The following SGMS2 variants were observed in gnomAD, a reference collection of about 807,000 sequenced individuals.
SGMS2 encodes the protein phosphatidylcholine:ceramide cholinephosphotransferase 2.
In SGMS2, 21 loss-of-function variants were observed where a neutral mutation model predicts 43.8. The ratio of observed to expected loss-of-function variants is 0.48; its 90% CI spans 0.34 to 0.69. The LOEUF is 0.69. Ranked by LOEUF, SGMS2 falls within the 30% of genes least tolerant of loss-of-function variation. The pLI, the probability that SGMS2 is intolerant of heterozygous loss-of-function variation, is 0.01. For synonymous variants in SGMS2, 167 were observed against 160.6 expected, an observed-to-expected ratio of 1.04 and a Z score of -0.30; for missense variants, 384 against 443.2, an observed-to-expected ratio of 0.87 and a Z score of 1.20.
At chr4:107,910,236 T>C (rs1204665275) in intron 6 of SGMS2, 114 bp from the exon 7 acceptor site, 5 of 856,368 alleles carry the variant, frequency 5.8e-6, no homozygotes, top group Non-Finnish European at 9.2e-6. Flanking sequence ...ATTACTGCCA[T>C]GTGATTCTGA....
At chr4:107,861,860 T>C (rs1460967764) in intron 2 of SGMS2, among the ~76,000 whole-genome samples, 1 of 152,246 alleles carries the variant, frequency 6.6e-6, no homozygotes, top group East Asian at 1.9e-4. Context: ...TGAATATTAT[T>C]GGATGAAAGG....
intron 2 of SGMS2, among the ~76,000 whole-genome samples, chr4:107,882,428 AC>A (rs1729432407): frequency 6.6e-6 from 1 of 151,650 alleles, no homozygotes; most frequent in Non-Finnish European, 1.5e-5. Context: ...TCTATTTGGA[AC>A]TTTTGCTTAT....
At chr4:107,876,464 CAG>C (rs1235333438) in intron 2 of SGMS2, among the ~76,000 whole-genome samples, 1 of 152,190 alleles carries the variant, frequency 6.6e-6, no homozygotes, top group Non-Finnish European at 1.5e-5. Context: ...AATCTCAAAA[CAG>C]AGAGGTAATA....
intron 3 of SGMS2, among the ~76,000 whole-genome samples, chr4:107,898,782 A>G (rs1169258965): frequency 6.6e-6 from 1 of 152,232 alleles, no homozygotes; most frequent in Non-Finnish European, 1.5e-5. Flanking sequence ...AGCCTGCCTC[A>G]GGCTGAGGAC....
At chr4:107,831,498 C>T (rs899333198) in intron 1 of SGMS2, among the ~76,000 whole-genome samples, 6 of 152,134 alleles carry the variant, frequency 3.9e-5, no homozygotes, top group Admixed American at 6.5e-5. Flanking sequence ...TTACATGGCT[C>T]CCTGTGTATA....
At position 107,895,543 on chromosome 4, in the gene SGMS2, A is replaced by T; in HGVS notation, c.-11A>T. 6.2e-7 allele frequency: 1 copy of T among 1,602,084 alleles called. No homozygotes were observed. The highest frequency in any genetic ancestry group is 2.2e-5 in the East Asian group (1 of 44,702). Reference sequence around the variant, plus strand: ...TGACCATCTCCTTTTTGATCTGAAGACTAGGGGACAATGGATATCATAGAG... The same window carrying T: ...TGACCATCTCCTTTTTGATCTGAAGTCTAGGGGACAATGGATATCATAGAG... On this transcript the variant is annotated 5_prime_UTR_variant, in exon 3 of 7. Transcript: ENST00000690982.
intron 2 of SGMS2, among the ~76,000 whole-genome samples, chr4:107,884,089 A>T (rs1578606973): frequency 6.6e-6 from 1 of 152,126 alleles, no homozygotes; most frequent in South Asian, 2.1e-4. Context: ...AATGTTTTCA[A>T]TTTTTTCTTC....
intron 1 of SGMS2, among the ~76,000 whole-genome samples, chr4:107,831,504 G>C (rs994036212): frequency 6.6e-6 from 1 of 152,166 alleles, no homozygotes; most frequent in Non-Finnish European, 1.5e-5. Flanking sequence ...GGCTCCCTGT[G>C]TATAAAACAT....
intron 1 of SGMS2, among the ~76,000 whole-genome samples, chr4:107,833,866 CATT>C (rs1726027558): frequency 6.6e-6 from 1 of 152,130 alleles, no homozygotes; most frequent in Non-Finnish European, 1.5e-5. Flanking sequence ...GGAGAGTTGA[CATT>C]ATTGGAAAAA....
At chr4:107,858,840 C>T (rs1477205007) in intron 2 of SGMS2, among the ~76,000 whole-genome samples, 1 of 152,110 alleles carries the variant, frequency 6.6e-6, no homozygotes, top group Non-Finnish European at 1.5e-5. Flanking sequence ...TAGAGGTAAC[C>T]CCATAACTTT....
intron 2 of SGMS2, chr4:107,867,687 G>A (rs895668215): frequency 1.3e-5 from 2 of 152,156 alleles, no homozygotes; most frequent in African/African-American, 4.8e-5. Context: ...ATAGAATTGT[G>A]GAGATGATTA....
chr4:107,827,683 A>G (rs996452461), intron 1 of SGMS2, among the ~76,000 whole-genome samples: 1 of 152,216 alleles, frequency 6.6e-6, no homozygotes, highest in Non-Finnish European at 1.5e-5. Context: ...GCTCAGCTCA[A>G]CTGAGATATA....
At chr4:107,887,340 A>G (rs893714421) in intron 2 of SGMS2, among the ~76,000 whole-genome samples, 3 of 152,186 alleles carry the variant, frequency 2.0e-5, no homozygotes, top group African/African-American at 4.8e-5. Context: ...CAAAGACACA[A>G]TTGGAAAGAA....
chr4:107,891,137 A>G (rs1440722547), intron 2 of SGMS2, among the ~76,000 whole-genome samples: 5 of 133,288 alleles, frequency 3.8e-5, no homozygotes, highest in East Asian at 4.3e-4. Flanking sequence ...TCTCCCCCCC[A>G]TTATACCACC....
intron 1 of SGMS2, among the ~76,000 whole-genome samples, chr4:107,848,203 C>T (rs1184626644): frequency 6.6e-6 from 1 of 152,098 alleles, no homozygotes; most frequent in Non-Finnish European, 1.5e-5. Flanking sequence ...TTTCATTTAG[C>T]AGTTTGCATT....
At chr4:107,894,774 G>C (rs1730523383) in intron 2 of SGMS2, among the ~76,000 whole-genome samples, 1 of 152,138 alleles carries the variant, frequency 6.6e-6, no homozygotes, top group Non-Finnish European at 1.5e-5. Flanking sequence ...TGTTGTTCTT[G>C]AATCTGTTCT....
At chr4:107,856,309 A>G (rs1727424267) in intron 1 of SGMS2, among the ~76,000 whole-genome samples, 1 of 152,208 alleles carries the variant, frequency 6.6e-6, no homozygotes, top group African/African-American at 2.4e-5. Flanking sequence ...TAAGATATAT[A>G]CAGAAAGGGA....
chr4:107,900,350 G>A (rs970209200), intron 4 of SGMS2, among the ~76,000 whole-genome samples: 1 of 152,212 alleles, frequency 6.6e-6, no homozygotes, highest in Admixed American at 6.5e-5. Flanking sequence ...GTGAAGGGTT[G>A]GGGTGTGCAG....
intron 1 of SGMS2, among the ~76,000 whole-genome samples, chr4:107,851,243 AAG>A (rs1727124996): frequency 6.6e-6 from 1 of 152,178 alleles, no homozygotes; most frequent in African/African-American, 2.4e-5. Context: ...AAGTCTTTGT[AAG>A]AGTTATGACA....
Sources: allele counts gnomAD v4.1 joint callset (sites outside exome capture counted in the v4.1 genomes callset), GRCh38; gene constraint gnomAD v4.1.1; transcripts MANE v1.5; gene names NCBI Gene and HGNC (gene_info 2026-07-23, HGNC 2026-07-21).